Variants in RCC1L observed in about 807,000 individuals in gnomAD.
RCC1L encodes RCC1-like G exchanging factor-like protein.
Under a neutral mutation model 58.6 loss-of-function variants are expected in RCC1L, and 46 were observed. The ratio of observed to expected loss-of-function variants is 0.79; its 90% CI spans 0.62 to 1.00. The LOEUF (loss-of-function observed/expected upper bound fraction) is 1.00, where lower values mean the gene tolerates loss of function less well. Among genes scored for constraint, RCC1L ranks in the 50% least tolerant of loss-of-function variants. The pLI is 0.00. For synonymous variants in RCC1L, 281 were observed against 262.9 expected (o/e 1.07, Z -0.67); for missense variants, 636 against 623.6 (o/e 1.02, Z -0.21).
At position 75,058,764 on chromosome 7, in the gene RCC1L, C is replaced by CCAGA; in HGVS notation, c.789_792dup (p.Gly265SerfsTer30). ...GGCGAGCTGGTGATATTGTAGTGACCCAGACCTAACACAGTGGAAAATACA... is the reference window on the plus strand; with the variant it reads ...GGCGAGCTGGTGATATTGTAGTGACCCAGACAGACCTAACACAGTGGAAAATACA... On this transcript the variant is annotated frameshift_variant, in exon 7 of 11. Coordinates refer to ENST00000610322, the MANE Select transcript of RCC1L (RefSeq NM_030798.5). LOFTEE classifies it high-confidence loss of function. The CCAGA allele has an allele frequency of 6.2e-7, 1 of 1,613,882 alleles. No homozygotes were observed. The highest frequency in any genetic ancestry group is 1.7e-5 in the Admixed American group (1 of 59,988).
At chr7:75,060,282 G>A (rs1806230310) in intron 6 of RCC1L, among the ~76,000 whole-genome samples, 3 of 152,206 alleles carry the variant, frequency 2.0e-5, no homozygotes, top group Admixed American at 6.5e-5. Flanking sequence ...ACCTGCTGAG[G>A]AATAGGCCCC....
At chr7:75,030,827 A>G (rs1805282431) in intron 10 of RCC1L, among the ~76,000 whole-genome samples, 1 of 151,952 alleles carries the variant, frequency 6.6e-6, no homozygotes, top group Non-Finnish European at 1.5e-5. Flanking sequence ...GCCCGTGCTG[A>G]CTCTTCAAAG....
At chr7:75,029,355 G>C (rs1805233167) in intron 10 of RCC1L, among the ~76,000 whole-genome samples, 1 of 149,360 alleles carries the variant, frequency 6.7e-6, no homozygotes, top group African/African-American at 2.5e-5. Flanking sequence ...CCCTGCAATG[G>C]GGGGATCTTT....
At chr7:75,031,528 AC>A (rs1805305881) in intron 10 of RCC1L, among the ~76,000 whole-genome samples, 1 of 150,606 alleles carries the variant, frequency 6.6e-6, no homozygotes, top group Non-Finnish European at 1.5e-5. Context: ...AAAAAAAAAA[AC>A]GATGCTGGCT....
chr7:75,054,444 T>A (rs1036869936), intron 9 of RCC1L, among the ~76,000 whole-genome samples: 6 of 152,176 alleles, frequency 3.9e-5, no homozygotes, highest in Non-Finnish European at 7.4e-5. Context: ...AATGGCTACA[T>A]GGCATGAGGG....
chr7:75,027,820 G>T (rs1306084624), exon 11 of RCC1L: 3 of 627,684 alleles, frequency 4.8e-6, no homozygotes, highest in African/African-American at 3.7e-5. Context: ...GTCTTGGTTT[G>T]GTCTCCACAG....
At chr7:75,031,931 C>T (rs1805316858) in intron 10 of RCC1L, among the ~76,000 whole-genome samples, 1 of 152,342 alleles carries the variant, frequency 6.6e-6, no homozygotes, top group South Asian at 2.1e-4. Flanking sequence ...TGGGCCAACC[C>T]ACGGGGCTGC....
rs587630523 is a variant in RCC1L, at chr7:75,071,640, AAAAACAAAAC to A, written c.325-881_325-872del. ...GGGTGACAGAATAAGACTCTGTCTC[AAAAACAAAAC>A]AAAACAAAACAAAACAAAAAACACC... On this transcript the variant is annotated intron_variant, in intron 1 of 10. Coordinates refer to ENST00000610322, the MANE Select transcript of RCC1L (RefSeq NM_030798.5). Among the ~76,000 whole-genome samples the A allele has an allele frequency of 7.9e-5, 12 of 152,090 alleles. 1 individual carries two copies. Among genetic ancestry groups the A allele is most frequent in the Admixed American group, 4.6e-4 (7 of 15,246 alleles).
chr7:75,035,837 T>G (rs1408866911), intron 10 of RCC1L, among the ~76,000 whole-genome samples: 1 of 151,736 alleles, frequency 6.6e-6, no homozygotes, highest in Non-Finnish European at 1.5e-5. Context: ...TCCCCCCATC[T>G]CTACAAAAAA....
At chr7:75,060,289 C>T (rs2131998405) in intron 6 of RCC1L, among the ~76,000 whole-genome samples, 1 of 152,310 alleles carries the variant, frequency 6.6e-6, no homozygotes, top group South Asian at 2.1e-4. Flanking sequence ...GAGGAATAGG[C>T]CCCTTTAAGG....
At chr7:75,051,269 CACACATATAT>C (rs1215130421) in intron 10 of RCC1L, among the ~76,000 whole-genome samples, 2 of 145,538 alleles carry the variant, frequency 1.4e-5, no homozygotes, top group Non-Finnish European at 3.0e-5. Flanking sequence ...TGTATATATA[CACACATATAT>C]ACACACACAT....
intron 10 of RCC1L, among the ~76,000 whole-genome samples, chr7:75,030,228 C>T (rs1805263641): frequency 6.6e-6 from 1 of 152,178 alleles, no homozygotes; most frequent in African/African-American, 2.4e-5. Context: ...TGTGCATGTA[C>T]CTGTGAGCGT....
Position 75,066,664 on chromosome 7 carries a change from C to T in RCC1L, c.583G>A (p.Val195Ile), listed in dbSNP as rs782306795. Residue 195 changes from valine (V) to isoleucine (I), a missense_variant and splice_region_variant, in exon 3 of 11, where the codon GTC becomes ATC. Val to Ile is a conservative substitution (Grantham distance 29). Coordinates refer to ENST00000610322, the MANE Select transcript of RCC1L (RefSeq NM_030798.5). ...ATCACCCTTCAATAGGTCAACTCACCTCCTTCCCTGTCAGTCAACACAAGA... is the reference window on the plus strand; with the variant it reads ...ATCACCCTTCAATAGGTCAACTCACTTCCTTCCCTGTCAGTCAACACAAGA... ...HSLVLTDREG[V>I]FSMGNNSYGQ... 6 of 1,611,644 alleles carry T rather than the reference C, an allele frequency of 3.7e-6. No homozygotes were observed. The South Asian group carries it at 5.5e-5, about 15-fold the overall frequency.
chr7:75,044,602 A>G (rs1214607863), intron 10 of RCC1L, among the ~76,000 whole-genome samples: 1,893 of 149,552 alleles, frequency 0.013, 19 homozygotes, highest in African/African-American at 0.044. Flanking sequence ...CTGTCTCGAA[A>G]AAAAAAAAAA....
intron 10 of RCC1L, among the ~76,000 whole-genome samples, chr7:75,028,593 A>G (rs906544159): frequency 6.5e-4 from 99 of 152,184 alleles, no homozygotes; most frequent in African/African-American, 2.2e-3. Context: ...ATGGGGAGGA[A>G]CAGAGCAGTG....
At chr7:75,072,005 A>C (rs2115564992) in intron 1 of RCC1L, among the ~76,000 whole-genome samples, 1 of 150,334 alleles carries the variant, frequency 6.7e-6, no homozygotes, top group South Asian at 2.1e-4. Flanking sequence ...CTGAAGCAGG[A>C]GGATCACTTG....
At position 75,072,822 on chromosome 7, in the gene RCC1L, C is replaced by G. The variant is rs146862485; in HGVS notation, c.324+592G>C. Among the ~76,000 whole-genome samples, 235 of 152,228 alleles carry G rather than the reference C, an allele frequency of 1.5e-3. 1 individual carries two copies. Among genetic ancestry groups the G allele is most frequent in the African/African-American group, 5.2e-3 (217 of 41,538 alleles). On this transcript the variant is annotated intron_variant, in intron 1 of 10. Coordinates refer to ENST00000610322, the MANE Select transcript of RCC1L (RefSeq NM_030798.5). ...CGAAACCCCATCTCTACTAAAAATA[C>G]AAAAATTTGCCGGGCTAGGTGGCAG...
chr7:75,055,992 A>G lies in RCC1L; in HGVS notation c.1140T>C (p.Ile380=), dbSNP rs782701102. The change falls in exon 9 of 11, where the codon ATT becomes ATC. Residue 380 remains isoleucine, a synonymous_variant. Coordinates refer to ENST00000610322, the MANE Select transcript of RCC1L (RefSeq NM_030798.5). ...CCGTCAAGCCAAAGAGAGTGGGTGG[A>G]ATCATTTCAGGGACGGCACTTTCCA... ...NLVESAVPEM[I]PPTLFGLTEF... 3 of 1,613,824 alleles carry G rather than the reference A, an allele frequency of 1.9e-6. No individual in the cohort carries two copies.
chr7:75,065,934 C>T (rs1398977485), intron 3 of RCC1L, among the ~76,000 whole-genome samples: 2 of 150,450 alleles, frequency 1.3e-5, no homozygotes, highest in Non-Finnish European at 2.9e-5. Context: ...AGGAGAATTG[C>T]TTGAACCTGG....
Sources: allele counts gnomAD v4.1 joint callset (sites outside exome capture counted in the v4.1 genomes callset), GRCh38; gene constraint gnomAD v4.1.1; transcripts MANE v1.5; gene names NCBI Gene and HGNC (gene_info 2026-07-23, HGNC 2026-07-21).